The following MYOCD variants were observed in gnomAD, a reference collection of about 807,000 sequenced individuals.
MYOCD encodes the protein myocardin.
Under a neutral mutation model 96.1 loss-of-function variants are expected in MYOCD, and 32 were observed. The ratio of observed to expected loss-of-function variants is 0.33; its 90% CI spans 0.25 to 0.45. The LOEUF is 0.45. MYOCD is among the 20% of genes least tolerant of loss of function. MYOCD has a pLI of 1.00. For synonymous variants in MYOCD, 469 were observed against 469.0 expected (o/e 1.00, Z 0.00); for missense variants, 1,133 against 1,200.6 (o/e 0.94, Z 0.83).
At chr17:12,728,279 A>T (rs1484296264) in intron 5 of MYOCD, among the ~76,000 whole-genome samples, 1 of 152,124 alleles carries the variant, frequency 6.6e-6, no homozygotes, top group Non-Finnish European at 1.5e-5. Flanking sequence ...TAACGTGAAC[A>T]TCCCTTAGCT....
Position 12,763,128 on chromosome 17 carries a change from A to G in MYOCD, c.2445A>G (p.Ile815Met), listed in dbSNP as rs1319473560. ...DHSCLQKVPK[I>M]PRSSRSPTAV... ...CATGTCTTCAAAAAGTCCCAAAGAT[A>G]CCCAGATCTTCCCGAAGTCCAACTG... The change falls in exon 14 of 14, where the codon ATA (isoleucine) becomes ATG (methionine). Residue 815 changes from isoleucine (I) to methionine (M), a missense_variant. Transcript: ENST00000425538. 1.9e-5 allele frequency: 30 copies of G among 1,613,884 alleles called. 1 individual carries two copies. The highest frequency in any genetic ancestry group is 2.1e-5 in the Non-Finnish European group (25 of 1,179,990).
chr17:12,742,631 C>T lies in MYOCD; in HGVS notation c.718-1552C>T, dbSNP rs77507532. Reference sequence around the variant, plus strand: ...TATCACCCAGGCTGGAGTGTAGTGGCGCAATCTCGGCTTACTGCAACCTCC... The same window carrying T: ...TATCACCCAGGCTGGAGTGTAGTGGTGCAATCTCGGCTTACTGCAACCTCC... On this transcript the variant is annotated intron_variant, in intron 7 of 13. Transcript: ENST00000425538. Among the ~76,000 whole-genome samples, 907 of 151,672 alleles carry T rather than the reference C, an allele frequency of 6.0e-3. 17 individuals are homozygous for T. Among genetic ancestry groups the T allele is most frequent in the East Asian group, 0.032 (163 of 5,136 alleles).
chr17:12,753,094 A>G lies in MYOCD; in HGVS notation c.1806A>G (p.Glu602=), dbSNP rs373306258. 6.2e-7 allele frequency: 1 copy of G among 1,614,064 alleles called. No individual in the cohort carries two copies. Among genetic ancestry groups the G allele is most frequent in the Non-Finnish European group, 8.5e-7 (1 of 1,180,046 alleles). The change falls in exon 10 of 14, where the codon GAA becomes GAG. Residue 602 remains glutamate (E), a synonymous_variant. Coordinates refer to ENST00000425538, the MANE Select transcript of MYOCD (RefSeq NM_001146312.3). The stretch of plus-strand genomic sequence containing the variant: ...CAGAGTGTCACCCACCGGCTTGTGA[A>G]GCTGCTCAACTCCAGCCTCTTGGAA... ...SSSECHPPAC[E]AAQLQPLGNA... is the part of the protein sequence containing the mutation.
chr17:12,670,188 A>G (rs758697321), intron 1 of MYOCD, among the ~76,000 whole-genome samples: 2 of 152,118 alleles, frequency 1.3e-5, no homozygotes, highest in Non-Finnish European at 2.9e-5. Context: ...AGAACATGCA[A>G]AGCAGGTACT....
chr17:12,725,169 C>G, intron 5 of MYOCD, among the ~76,000 whole-genome samples: 1 of 151,920 alleles, frequency 6.6e-6, no homozygotes, highest in East Asian at 1.9e-4. Context: ...ATAGTTCCAA[C>G]AGTTTCTCAG....
intron 1 of MYOCD, among the ~76,000 whole-genome samples, chr17:12,666,509 G>A (rs1373454074): frequency 6.6e-6 from 1 of 152,116 alleles, no homozygotes; most frequent in Non-Finnish European, 1.5e-5. Context: ...TCTATGAATA[G>A]AAATTTTGGA....
intron 11 of MYOCD, 120 bp downstream of exon 11, chr17:12,756,677 C>CA: frequency 3.2e-6 from 1 of 310,816 alleles, no homozygotes; most frequent in East Asian, 7.7e-5. Context: ...GCCCAGGTGA[C>CA]AGAGCGAGAC....
At chr17:12,720,445 C>T (rs1035674416) in intron 4 of MYOCD, 16 of 152,106 alleles carry the variant, frequency 1.1e-4, no homozygotes, top group African/African-American at 3.6e-4. Context: ...TCTTTCTCGA[C>T]CATGACAAAG....
At chr17:12,666,801 A>G (rs1909404707) in intron 1 of MYOCD, among the ~76,000 whole-genome samples, 1 of 152,184 alleles carries the variant, frequency 6.6e-6, no homozygotes, top group South Asian at 2.1e-4. Flanking sequence ...TTCCCAAACC[A>G]TCTGATATTT....
At chr17:12,668,918 T>C (rs572621934) in intron 1 of MYOCD, among the ~76,000 whole-genome samples, 17 of 152,284 alleles carry the variant, frequency 1.1e-4, no homozygotes, top group African/African-American at 3.4e-4. Flanking sequence ...AGTTTCTCTG[T>C]CTCAGTTATT....
chr17:12,668,072 G>A (rs1040524223), intron 1 of MYOCD, among the ~76,000 whole-genome samples: 8 of 152,220 alleles, frequency 5.3e-5, no homozygotes, highest in African/African-American at 2.4e-5. Flanking sequence ...TTTGAATGGA[G>A]GTTATTCTTT....
chr17:12,709,535 T>G (rs2031414690), intron 2 of MYOCD, among the ~76,000 whole-genome samples: 1 of 152,188 alleles, frequency 6.6e-6, no homozygotes, highest in Admixed American at 6.5e-5. Flanking sequence ...GAAATTCACA[T>G]TTTCAAACTC....
Position 12,717,429 on chromosome 17 carries a change from T to C in MYOCD, c.253+8T>C. On this transcript the variant is annotated splice_region_variant and intron_variant, in intron 4 of 13. Coordinates refer to ENST00000425538, the MANE Select transcript of MYOCD (RefSeq NM_001146312.3). ...ATATGCACATACTCCAAGGTAAGGC[T>C]GCAAGAAATCAGACACCAAGAGATG... The C allele has an allele frequency of 6.2e-7, 1 of 1,611,940 alleles. No homozygotes were observed. Among genetic ancestry groups the C allele is most frequent in the Non-Finnish European group, 8.5e-7 (1 of 1,178,352 alleles).
intron 9 of MYOCD, among the ~76,000 whole-genome samples, chr17:12,749,534 T>TTATATA (rs56853262): frequency 0.18 from 26,285 of 144,618 alleles, 2,539 homozygotes; most frequent in Admixed American, 0.25. Context: ...GTCTCAAAAC[T>TTATATA]TATATATATA....
At chr17:12,669,785 A>AT (rs977144830) in intron 1 of MYOCD, among the ~76,000 whole-genome samples, 1 of 151,964 alleles carries the variant, frequency 6.6e-6, no homozygotes, top group Non-Finnish European at 1.5e-5. Context: ...CGCCCGGCTA[A>AT]TTTTTTGTAT....
intron 7 of MYOCD, among the ~76,000 whole-genome samples, chr17:12,743,486 C>CTTTTTT (rs373893604): frequency 3.9e-4 from 38 of 98,300 alleles, no homozygotes; most frequent in Middle Eastern, 7.1e-3. Flanking sequence ...TATGAAAGTT[C>CTTTTTT]TTTTTTTTTT....
At chr17:12,684,700 T>A (rs1469805471) in intron 1 of MYOCD, among the ~76,000 whole-genome samples, 3 of 151,782 alleles carry the variant, frequency 2.0e-5, no homozygotes, top group African/African-American at 7.3e-5. Flanking sequence ...ACAAAAATTA[T>A]CCAGGCATGG....
At chr17:12,752,184 A>G (rs571246435) in intron 9 of MYOCD, among the ~76,000 whole-genome samples, 3 of 152,330 alleles carry the variant, frequency 2.0e-5, no homozygotes, top group South Asian at 4.1e-4. Context: ...CTACATTTCT[A>G]TGACTCTAAG....
chr17:12,754,157 T>G (rs1408839177), intron 10 of MYOCD, among the ~76,000 whole-genome samples: 2 of 151,638 alleles, frequency 1.3e-5, no homozygotes, highest in Non-Finnish European at 2.9e-5. Flanking sequence ...CAGGCTAGAG[T>G]GCAGTGGCGT....
Sources: gnomAD v4.1 joint callset for allele counts (sites outside exome capture counted in the v4.1 genomes callset) on GRCh38, gnomAD v4.1.1 for gene constraint, MANE v1.5 for transcripts, NCBI Gene and HGNC (gene_info 2026-07-23, HGNC 2026-07-21) for gene names.